The following ANK3 variants were observed in gnomAD, a reference collection of about 807,000 sequenced individuals.
ANK3 encodes ankyrin-3.
Under a neutral mutation model 370.9 loss-of-function variants are expected in ANK3, and 57 were observed. The observed-to-expected ratio is 0.15, with a 90% confidence interval of 0.12 to 0.19. ANK3 has a LOEUF of 0.19. Among genes scored for constraint, ANK3 ranks in the 10% least tolerant of loss-of-function variants. The pLI is 1.00. For synonymous variants in ANK3, 1,929 were observed against 1,946.3 expected, an observed-to-expected ratio of 0.99 and a Z score of 0.23; for missense variants, 4,439 against 5,302.1, an observed-to-expected ratio of 0.84 and a Z score of 5.06.
intron 2 of ANK3, among the ~76,000 whole-genome samples, chr10:60,434,539 C>T (rs2064110417): frequency 6.6e-6 from 1 of 152,174 alleles, no homozygotes; most frequent in African/African-American, 2.4e-5. Flanking sequence ...ACTCCTAGTT[C>T]AGAATTGTAT....
intron 11 of ANK3, among the ~76,000 whole-genome samples, chr10:60,204,140 C>T (rs80324752): frequency 0.018 from 2,792 of 152,114 alleles, 84 homozygotes; most frequent in African/African-American, 0.062. Context: ...GGAATAATTC[C>T]GGCTGTCCAG....
chr10:60,515,951 G>A (rs2076207750), intron 2 of ANK3, among the ~76,000 whole-genome samples: 1 of 152,124 alleles, frequency 6.6e-6, no homozygotes, highest in African/African-American at 2.4e-5. Flanking sequence ...TCCAGAGCTT[G>A]CAATCTAGTA....
intron 23 of ANK3, among the ~76,000 whole-genome samples, chr10:60,161,798 A>G (rs1007115083): frequency 2.0e-5 from 3 of 152,196 alleles, no homozygotes; most frequent in Non-Finnish European, 4.4e-5. Flanking sequence ...GCTAGAAGGA[A>G]TAAGATCTAA....
At chr10:60,110,284 TG>T (rs2092604530) in intron 26 of ANK3, among the ~76,000 whole-genome samples, 1 of 152,148 alleles carries the variant, frequency 6.6e-6, no homozygotes, top group South Asian at 2.1e-4. Flanking sequence ...CAAACTGGCC[TG>T]TGATCCCCAC....
intron 1 of ANK3, among the ~76,000 whole-genome samples, chr10:60,361,216 C>A (rs905471643): frequency 1.6e-4 from 25 of 152,254 alleles, no homozygotes; most frequent in African/African-American, 6.0e-4. Flanking sequence ...TTAATGTGTA[C>A]CTTTACCTTT....
chr10:60,155,288 C>G (rs1262647542), intron 23 of ANK3, among the ~76,000 whole-genome samples: 1 of 152,164 alleles, frequency 6.6e-6, no homozygotes, highest in African/African-American at 2.4e-5. Flanking sequence ...AATGAGTGTG[C>G]AACATTGCAT....
chr10:60,699,846 A>G (rs949244427), intron 1 of ANK3, among the ~76,000 whole-genome samples: 1 of 152,208 alleles, frequency 6.6e-6, no homozygotes, highest in African/African-American at 2.4e-5. Flanking sequence ...TCATTTTAAA[A>G]TAACATATTT....
At chr10:60,657,876 T>A (rs1308911082) in intron 1 of ANK3, among the ~76,000 whole-genome samples, 1 of 98,674 alleles carries the variant, frequency 1.0e-5, no homozygotes, top group African/African-American at 3.3e-5. Context: ...CTCCTTTTAG[T>A]CTCATATATT....
chr10:60,094,508 T>C (rs1279616485), intron 28 of ANK3, among the ~76,000 whole-genome samples: 2 of 152,160 alleles, frequency 1.3e-5, no homozygotes, highest in East Asian at 1.9e-4. Context: ...TGGTTTCTTA[T>C]AACCAGGTTT....
Position 60,070,160 on chromosome 10 carries a change from CGGTCTTCT to C in ANK3, c.10713_10720del (p.Glu3572LeufsTer7). The stretch of plus-strand genomic sequence containing the variant: ...TGTATCAGGGGTTGTTGCTGGAGAG[CGGTCTTCT>C]ACCGCCAGCCCAAATGGCTTAGTTT... On this transcript the variant is annotated frameshift_variant, in exon 37 of 44. Transcript: ENST00000280772. LOFTEE classifies it high-confidence loss of function. The surrounding 1 kb of genome is among the most constrained non-coding windows in gnomAD (Gnocchi z 5.7). The C allele has an allele frequency of 6.2e-7, 1 of 1,614,126 alleles. No individual in the cohort carries two copies. Among genetic ancestry groups the C allele is most frequent in the Non-Finnish European group, 8.5e-7 (1 of 1,179,994 alleles).
chr10:60,266,163 G>T (rs754255250), intron 5 of ANK3, among the ~76,000 whole-genome samples: 2 of 152,058 alleles, frequency 1.3e-5, no homozygotes, highest in African/African-American at 2.4e-5. Flanking sequence ...ATACATCCAA[G>T]ATGTCACAAA....
chr10:60,460,118 A>C (rs529120044), intron 2 of ANK3, among the ~76,000 whole-genome samples: 6 of 152,262 alleles, frequency 3.9e-5, no homozygotes, highest in African/African-American at 1.4e-4. Context: ...CCCACATGAA[A>C]TTCCCTATTC....
At chr10:60,500,497 G>T (rs1029877304) in intron 2 of ANK3, among the ~76,000 whole-genome samples, 3 of 152,114 alleles carry the variant, frequency 2.0e-5, no homozygotes, top group Admixed American at 2.0e-4. Flanking sequence ...GGCTGCAAAG[G>T]CTATTCAGTT....
chr10:60,140,675 T>G, intron 23 of ANK3: 1 of 1,286,990 alleles, frequency 7.8e-7, no homozygotes, highest in African/African-American at 1.5e-5. Context: ...CTTTTAAAGC[T>G]CCTTCTGATT....
intron 2 of ANK3, among the ~76,000 whole-genome samples, chr10:60,402,693 A>G (rs2063375747): frequency 6.6e-6 from 1 of 152,208 alleles, no homozygotes; most frequent in African/African-American, 2.4e-5. Flanking sequence ...TGGCCAAGCT[A>G]CCATGTCAAA....
intron 43 of ANK3, among the ~76,000 whole-genome samples, chr10:60,031,016 T>G (rs2073367764): frequency 6.6e-6 from 1 of 152,150 alleles, no homozygotes; most frequent in Admixed American, 6.5e-5. Flanking sequence ...TATCAAAATG[T>G]AAGAAGTTTG....
chr10:60,461,213 C>T (rs2133057838), intron 2 of ANK3, among the ~76,000 whole-genome samples: 1 of 152,264 alleles, frequency 6.6e-6, no homozygotes, highest in East Asian at 1.9e-4. Flanking sequence ...GGGAGAGCAT[C>T]CTTTCTCCAG....
rs148649906 is a variant in ANK3, at chr10:60,220,318, A to C, written c.898-6808T>G. 9.5e-3 allele frequency among the ~76,000 whole-genome samples: 1,450 copies of C among 152,294 alleles called. 16 individuals are homozygous for C. The highest frequency in any genetic ancestry group is 0.045 in the South Asian group (218 of 4,826). ...CCAAAAATAAATGTCTAAGGCCCCG[A>C]ACCATCTGAATGGACCCCTCCTCTC... On this transcript the variant is annotated intron_variant, in intron 8 of 43. Coordinates refer to ENST00000280772, the MANE Select transcript of ANK3 (RefSeq NM_020987.5).
chr10:60,461,141 A>G (rs752341705), intron 2 of ANK3, among the ~76,000 whole-genome samples: 7 of 152,114 alleles, frequency 4.6e-5, no homozygotes, highest in Non-Finnish European at 8.8e-5. Flanking sequence ...GTCACATCCT[A>G]TCACAGGCTG....
Sources: gnomAD v4.1 joint callset for allele counts (sites outside exome capture counted in the v4.1 genomes callset) on GRCh38, gnomAD v4.1.1 for gene constraint, Gnocchi (gnomAD v3.1) non-coding constraint, MANE v1.5 for transcripts, NCBI Gene and HGNC (gene_info 2026-07-23, HGNC 2026-07-21) for gene names.